SHISAL2A: variants seen among roughly 807,000 people sequenced by gnomAD.
SHISAL2A encodes the protein protein shisa-like-2A.
A neutral mutation model predicts 11.5 loss-of-function variants in SHISAL2A; 18 were observed. The observed-to-expected ratio is 1.57, with a 90% CI of 1.08 to 2.33. The LOEUF (loss-of-function observed/expected upper bound fraction) is 2.33. Ranked by LOEUF, SHISAL2A falls within the 30% of genes most tolerant of loss-of-function variation. The pLI is 0.00. For missense variants in SHISAL2A, 261 were observed against 250.9 expected (o/e 1.04, Z -0.27); for synonymous variants, 94 against 99.6 (o/e 0.94, Z 0.34).
Position 52,642,942 on chromosome 1 carries a change from C to G in SHISAL2A, c.262C>G (p.Leu88Val). 6.2e-7 allele frequency: 1 copy of G among 1,614,132 alleles called. No individual in the cohort carries two copies. The highest frequency in any genetic ancestry group is 1.1e-5 in the South Asian group (1 of 91,080). Residue 88 changes from leucine (L) to valine (V), a missense_variant, in exon 2 of 3, where the codon CTG becomes GTG. Transcript: ENST00000517870. ...TGTTACCGCCTGTGTGCTCTGCTAC[C>G]TGTTCATCAGCTCTAAGCCCCACAC... ...FIVTACVLCY[L>V]FISSKPHTKL... is the part of the protein sequence containing the mutation.
At chr1:52,662,594 G>GGT (rs1425328183) in intron 4 of SHISAL2A, among the ~76,000 whole-genome samples, 2 of 150,586 alleles carry the variant, frequency 1.3e-5, no homozygotes, top group African/African-American at 4.9e-5. Context: ...CAAGTGATCT[G>GGT]CCCACTTAGG....
At chr1:52,661,167 T>C (rs1266994816), downstream of SHISAL2A, among the ~76,000 whole-genome samples, 3 of 152,098 alleles carry the variant, frequency 2.0e-5, no homozygotes, top group South Asian at 2.1e-4. Flanking sequence ...GCCTTTGCCA[T>C]ATTAAGGGGC....
chr1:52,663,120 G>A (rs1235849292), intron 4 of SHISAL2A, among the ~76,000 whole-genome samples: 1 of 152,046 alleles, frequency 6.6e-6, no homozygotes, highest in Non-Finnish European at 1.5e-5. Flanking sequence ...AGCTCCCTGC[G>A]GTTCCACACC....
At chr1:52,669,549 C>T (rs990765511) in exon 6 of SHISAL2A, 1 of 151,436 alleles carries the variant, frequency 6.6e-6, no homozygotes, top group Admixed American at 6.6e-5. Context: ...GCCTGTAAAC[C>T]TAGCTACTTG....
intron 2 of SHISAL2A, among the ~76,000 whole-genome samples, chr1:52,650,171 C>T (rs538558564): frequency 1.8e-4 from 28 of 152,284 alleles, no homozygotes; most frequent in Admixed American, 4.6e-4. Flanking sequence ...GAGGTAACGC[C>T]GAGGAACCAA....
In SHISAL2A at chr1:52,633,439, G is replaced by C; in HGVS notation, c.-55G>C. 7.1e-7 allele frequency: 1 copy of C among 1,402,624 alleles called. No homozygotes were observed. The highest frequency in any genetic ancestry group is 9.2e-7 in the Non-Finnish European group (1 of 1,081,802). The allele number at this position is 1,402,624 out of a possible 1,614,324, so 86.9% of individuals were successfully genotyped here. On this transcript the variant is annotated 5_prime_UTR_variant, in exon 1 of 3. Coordinates refer to ENST00000517870, the MANE Select transcript of SHISAL2A (RefSeq NM_001042693.3). This position sits in a 1 kb window ranked among gnomAD's most constrained non-coding sequence, Gnocchi z 6.4. ...GCTCGGTCCCTCGCTTCCCCGCCGG[G>C]CTCTAGCCGGCCGTCTGGTGGCCCG...
At chr1:52,665,879 C>T (rs1340652498) in intron 4 of SHISAL2A, among the ~76,000 whole-genome samples, 8 of 152,192 alleles carry the variant, frequency 5.3e-5, no homozygotes, top group African/African-American at 9.6e-5. Flanking sequence ...ATCAGGTAGC[C>T]ATGTATTCCG....
chr1:52,655,991 C>G (rs555949776), intron 2 of SHISAL2A, among the ~76,000 whole-genome samples: 2 of 152,152 alleles, frequency 1.3e-5, no homozygotes, highest in African/African-American at 4.8e-5. Flanking sequence ...ACCAGCAGGA[C>G]CTGGCTTTGT....
chr1:52,661,022 C>T (rs763122199), downstream of SHISAL2A, among the ~76,000 whole-genome samples: 2 of 152,164 alleles, frequency 1.3e-5, no homozygotes, highest in Non-Finnish European at 1.5e-5. Flanking sequence ...GCAGAAGGAA[C>T]AGCATACATG....
chr1:52,642,882 C>A lies in SHISAL2A; in HGVS notation c.202C>A (p.Leu68Met), dbSNP rs778682838. Residue 68 changes from leucine (L) to methionine (M), a missense_variant, in exon 2 of 3, where the codon CTG becomes ATG. By Grantham distance (15) the Leu-to-Met change is conservative. Coordinates refer to ENST00000517870, the MANE Select transcript of SHISAL2A (RefSeq NM_001042693.3). ...WWLSIGALIGLSVAAVVLLAF... is the reference protein window; with the variant it reads ...WWLSIGALIGMSVAAVVLLAF... ...TCCCAGCATTGGCGCTCTCATAGGC[C>A]TGTCCGTAGCAGCAGTGGTTCTTCT... 6.2e-7 allele frequency: 1 copy of A among 1,613,526 alleles called. No individual in the cohort carries two copies. Among genetic ancestry groups the A allele is most frequent in the Non-Finnish European group, 8.5e-7 (1 of 1,180,012 alleles).
chr1:52,643,920 A>G (rs1691432743), intron 2 of SHISAL2A, among the ~76,000 whole-genome samples: 1 of 151,844 alleles, frequency 6.6e-6, no homozygotes, highest in African/African-American at 2.4e-5. Flanking sequence ...AGGAGGGAGT[A>G]AGGAAGGGAG....
intron 2 of SHISAL2A, 129 bp downstream of exon 2, chr1:52,643,131 A>G: frequency 3.4e-6 from 3 of 873,470 alleles, no homozygotes; most frequent in African/African-American, 1.7e-5. Context: ...AAGCAGCGGC[A>G]CATTTTTCTG....
intron 2 of SHISAL2A, among the ~76,000 whole-genome samples, chr1:52,644,796 T>C (rs1401218625): frequency 1.3e-5 from 2 of 151,790 alleles, no homozygotes; most frequent in African/African-American, 4.8e-5. Flanking sequence ...GGCGGGCGGA[T>C]CACAAGATCA....
intron 4 of SHISAL2A, among the ~76,000 whole-genome samples, chr1:52,664,380 A>G (rs868366752): frequency 1.8e-5 from 2 of 111,958 alleles, no homozygotes; most frequent in Non-Finnish European, 3.7e-5. Flanking sequence ...TTTGAAACCG[A>G]GTTTTGCTCT....
At chr1:52,664,977 C>T (rs1483162139) in intron 4 of SHISAL2A, among the ~76,000 whole-genome samples, 2 of 152,062 alleles carry the variant, frequency 1.3e-5, no homozygotes, top group Non-Finnish European at 1.5e-5. Context: ...TTAGTAGAGA[C>T]GAGGTTTTGC....
chr1:52,638,100 G>T (rs1691277173), intron 1 of SHISAL2A, among the ~76,000 whole-genome samples: 1 of 152,126 alleles, frequency 6.6e-6, no homozygotes, highest in Non-Finnish European at 1.5e-5. Flanking sequence ...CTGCCCTGTT[G>T]TTCCCAACTC....
At chr1:52,650,127 C>G (rs1258559014) in intron 2 of SHISAL2A, among the ~76,000 whole-genome samples, 1 of 152,200 alleles carries the variant, frequency 6.6e-6, no homozygotes, top group Non-Finnish European at 1.5e-5. Context: ...CATGTCACCC[C>G]AGAGCCCACT....
chr1:52,643,859 A>G (rs1691428899), intron 2 of SHISAL2A, among the ~76,000 whole-genome samples: 2 of 144,810 alleles, frequency 1.4e-5, no homozygotes, highest in African/African-American at 5.0e-5. Flanking sequence ...TCAGAAAGAA[A>G]GAAAGAAAGA....
At chr1:52,640,027 T>G (rs914062058) in intron 1 of SHISAL2A, 1 of 152,170 alleles carries the variant, frequency 6.6e-6, no homozygotes, top group Non-Finnish European at 1.5e-5. Flanking sequence ...TGGACTCAAG[T>G]GATCGGCCCA....
Sources: gnomAD v4.1 joint callset for allele counts (sites outside exome capture counted in the v4.1 genomes callset) on GRCh38, gnomAD v4.1.1 for gene constraint, Gnocchi (gnomAD v3.1) non-coding constraint, MANE v1.5 for transcripts, NCBI Gene and HGNC (gene_info 2026-07-23, HGNC 2026-07-21) for gene names.